ANO10: variants seen among roughly 807,000 people sequenced by gnomAD.
ANO10 encodes anoctamin 10.
In ANO10, 77 loss-of-function variants were observed where a neutral mutation model predicts 74.7. The observed-to-expected ratio is 1.03, with a 90% CI of 0.86 to 1.25. ANO10 has a LOEUF of 1.25. ANO10 is among the 50% of genes most tolerant of loss of function. The pLI, the probability that ANO10 is intolerant of heterozygous loss-of-function variation, is 0.00. For synonymous variants in ANO10, 279 were observed against 284.9 expected (o/e 0.98, Z 0.21); for missense variants, 721 against 778.1 (o/e 0.93, Z 0.87).
chr3:43,565,843 G>A (rs555537915), intron 7 of ANO10, 116 bp from the exon 8 acceptor site: 10 of 1,067,702 alleles, frequency 9.4e-6, no homozygotes, highest in Middle Eastern at 3.0e-4. Context: ...CAAGAGGGCC[G>A]AATAGGAACA....
intron 11 of ANO10, among the ~76,000 whole-genome samples, chr3:43,466,257 GC>G (rs540434331): frequency 4.2e-4 from 64 of 151,400 alleles, no homozygotes; most frequent in African/African-American, 1.5e-3. Context: ...GGTAGTTCCA[GC>G]TACTCGGGAG....
At chr3:43,408,270 C>G (rs2092610509) in intron 12 of ANO10, among the ~76,000 whole-genome samples, 1 of 151,994 alleles carries the variant, frequency 6.6e-6, no homozygotes, top group Non-Finnish European at 1.5e-5. Flanking sequence ...AGAGAGTTCT[C>G]AAATGATGTA....
At chr3:43,447,502 T>C (rs2093265177) in intron 11 of ANO10, among the ~76,000 whole-genome samples, 4 of 152,222 alleles carry the variant, frequency 2.6e-5, no homozygotes, top group Admixed American at 2.6e-4. Flanking sequence ...CATTTGCATT[T>C]TGCTTTTTTT....
chr3:43,656,070 G>A (rs2083846555), intron 1 of ANO10, among the ~76,000 whole-genome samples: 2 of 146,992 alleles, frequency 1.4e-5, no homozygotes, highest in African/African-American at 5.1e-5. Flanking sequence ...CCCTGAGCTA[G>A]ACACAGGGTG....
intron 11 of ANO10, among the ~76,000 whole-genome samples, chr3:43,544,391 C>T (rs897167003): frequency 1.3e-5 from 2 of 151,788 alleles, no homozygotes; most frequent in Non-Finnish European, 2.9e-5. Flanking sequence ...CACTAGATGG[C>T]AGTAAATACA....
intron 11 of ANO10, among the ~76,000 whole-genome samples, chr3:43,531,879 T>G (rs1303289891): frequency 6.7e-6 from 1 of 149,756 alleles, no homozygotes; most frequent in African/African-American, 2.5e-5. Context: ...TCCAACCTGG[T>G]GACAGAACAA....
rs1553685076 is a variant in ANO10 at position 43,485,264 on chromosome 3, T to TGTTTGCCGCCCTTTGCCACC, written c.1798-52557_1798-52538dup. ...CATAGTGAGAGGCAGGACTAGCTGC[T>TGTTTGCCGCCCTTTGCCACC]GTTTGCCGCCCTTTGCCACCGTCGC... On this transcript the variant is annotated intron_variant, in intron 11 of 12. Transcript: ENST00000292246. 22 of 620,270 alleles carry TGTTTGCCGCCCTTTGCCACC rather than the reference T, an allele frequency of 3.5e-5. No individual in the cohort carries two copies. The Middle Eastern group carries it at 1.3e-3, about 37-fold the overall frequency. The allele number at this position is 620,270 out of a possible 1,614,324, so 38.4% of individuals were successfully genotyped here.
intron 12 of ANO10, among the ~76,000 whole-genome samples, chr3:43,367,581 T>A (rs1173709242): frequency 6.6e-6 from 1 of 151,892 alleles, no homozygotes; most frequent in African/African-American, 2.4e-5. Flanking sequence ...TCTGTGAGGG[T>A]GACGTCAAGA....
intron 12 of ANO10, among the ~76,000 whole-genome samples, chr3:43,374,228 C>A (rs924504917): frequency 1.1e-4 from 17 of 152,206 alleles, no homozygotes; most frequent in African/African-American, 4.1e-4. Flanking sequence ...TCTTGTACAG[C>A]AAAACCTCTT....
At chr3:43,480,459 G>A (rs979168666) in intron 11 of ANO10, among the ~76,000 whole-genome samples, 2 of 152,170 alleles carry the variant, frequency 1.3e-5, no homozygotes, top group Non-Finnish European at 2.9e-5. Flanking sequence ...AACAGACCCC[G>A]TGTAAAGGAT....
intron 11 of ANO10, among the ~76,000 whole-genome samples, chr3:43,466,953 G>A (rs529053169): frequency 6.6e-6 from 1 of 152,262 alleles, no homozygotes; most frequent in East Asian, 1.9e-4. Flanking sequence ...AACTTTAACA[G>A]AATGTTCACA....
Position 43,576,767 on chromosome 3 carries a change from T to C in ANO10, c.1087A>G (p.Ser363Gly). 1 of 1,614,170 alleles carries C rather than the reference T, an allele frequency of 6.2e-7. No homozygotes were observed. The change falls in exon 6 of 13, where the codon AGC becomes GGC. Residue 363 changes from serine (S) to glycine (G), a missense_variant. Coordinates refer to ENST00000292246, the MANE Select transcript of ANO10 (RefSeq NM_018075.5). ...EWTSVLLYVPSIIYAIVIEIM... is the reference protein window; with the variant it reads ...EWTSVLLYVPGIIYAIVIEIM... ...TCAATCACAATGGCATAGATGATGC[T>C]GGGCACATACAACAGGACACTGGTC...
chr3:43,471,394 G>C (rs187177696), intron 11 of ANO10, among the ~76,000 whole-genome samples: 2 of 152,254 alleles, frequency 1.3e-5, no homozygotes, highest in Admixed American at 1.3e-4. Flanking sequence ...TGCAAGTCTA[G>C]ATTTTCTATT....
chr3:43,597,022 A>G (rs560042309), intron 4 of ANO10, among the ~76,000 whole-genome samples: 126 of 152,378 alleles, frequency 8.3e-4, no homozygotes, highest in African/African-American at 2.8e-3. Context: ...AATGCTCATC[A>G]TCACTGGCCA....
intron 12 of ANO10, among the ~76,000 whole-genome samples, chr3:43,404,889 A>AAC (rs2092549062): frequency 1.3e-5 from 2 of 151,306 alleles, no homozygotes; most frequent in Admixed American, 6.6e-5. Flanking sequence ...AAAAAAAAAA[A>AAC]AAAAAACCAC....
chr3:43,680,511 G>A (rs2084181464), intron 1 of ANO10, among the ~76,000 whole-genome samples: 1 of 152,208 alleles, frequency 6.6e-6, no homozygotes, highest in Non-Finnish European at 1.5e-5. Context: ...ACACTCGGCA[G>A]GATATTATCC....
rs772244509 is a variant in ANO10, at chr3:43,561,367, G to T, written c.1329C>A (p.Leu443=). The T allele has an allele frequency of 1.9e-6, 3 of 1,614,148 alleles. No individual in the cohort carries two copies. Among genetic ancestry groups the T allele is most frequent in the Non-Finnish European group, 2.5e-6 (3 of 1,180,012 alleles). Residue 443 remains leucine (L), a synonymous_variant, in exon 9 of 13, where the codon CTC becomes CTA. Transcript: ENST00000292246. ...GAAGAAAAGATTCCATAATTTGGTT[G>T]AGGATCTGGGAGGTAATTAGGAGAG... ...LATLLITSQI[L]NQIMESFLPY...
intron 11 of ANO10, 36 bp from the exon 12 acceptor site, chr3:43,432,763 ATCAGACCATATAT>A (rs755381052): frequency 7.8e-7 from 1 of 1,279,330 alleles, no homozygotes; most frequent in South Asian, 1.2e-5. Context: ...GATGTGATAC[ATCAGACCATATAT>A]GCAAGGAAAT....
At chr3:43,414,911 T>G (rs943541571) in intron 12 of ANO10, among the ~76,000 whole-genome samples, 1 of 150,840 alleles carries the variant, frequency 6.6e-6, no homozygotes, top group Admixed American at 6.6e-5. Context: ...AGACTTAAAG[T>G]CAATGACCTG....
Sources: gnomAD v4.1 joint callset for allele counts (sites outside exome capture counted in the v4.1 genomes callset) on GRCh38, gnomAD v4.1.1 for gene constraint, MANE v1.5 for transcripts, NCBI Gene and HGNC (gene_info 2026-07-23, HGNC 2026-07-21) for gene names.